Variants in ZNF383 observed in about 807,000 individuals in gnomAD.
The protein encoded by ZNF383 is zinc finger protein 383.
Under a neutral mutation model 44.2 loss-of-function variants are expected in ZNF383, and 32 were observed. That is an observed-to-expected ratio of 0.72 (90% CI 0.55 to 0.97). The LOEUF is 0.97. Ranked by LOEUF, ZNF383 falls within the 50% of genes least tolerant of loss-of-function variation. The pLI, the probability that ZNF383 is intolerant of heterozygous loss-of-function variation, is 0.00. For missense variants in ZNF383, 487 were observed against 562.5 expected (o/e 0.87, Z 1.36); for synonymous variants, 155 against 186.2 (o/e 0.83, Z 1.36).
At chr19:37,231,433 G>C (rs2145502588) in intron 3 of ZNF383, among the ~76,000 whole-genome samples, 1 of 152,238 alleles carries the variant, frequency 6.6e-6, no homozygotes, top group South Asian at 2.1e-4. Flanking sequence ...GCTGAGGCAG[G>C]AGAATCCTTG....
rs1041834417 is a variant in ZNF383, at chr19:37,230,407, A to G, written c.-45-2A>G. The stretch of plus-strand genomic sequence containing the variant: ...CAACCTCAGAACACTGTCCTTTTTC[A>G]GGAGAACGGCCTCAAGGAAGACTAA... On this transcript the variant is annotated splice_acceptor_variant, in intron 2 of 5. Transcript: ENST00000684119. LOFTEE classifies it low-confidence loss of function (5UTR_SPLICE). 4 of 1,609,736 alleles carry G rather than the reference A, an allele frequency of 2.5e-6. No individual in the cohort carries two copies. In the Admixed American group the frequency reaches 5.0e-5, roughly 20 times the overall value.
At chr19:37,224,388 C>T (rs1241047661) in intron 1 of ZNF383, among the ~76,000 whole-genome samples, 4 of 152,034 alleles carry the variant, frequency 2.6e-5, no homozygotes, top group Non-Finnish European at 5.9e-5. Context: ...GAAAATTAAA[C>T]CAACCACAGA....
At chr19:37,235,945 C>A in intron 4 of ZNF383, 34 bp from the exon 5 acceptor site, 1 of 1,568,246 alleles carries the variant, frequency 6.4e-7, no homozygotes, top group Non-Finnish European at 8.7e-7. Context: ...TTACCCCCAG[C>A]ATAACCATGT....
Position 37,223,295 on chromosome 19 carries a change from A to C in ZNF383, c.-167-1523A>C, listed in dbSNP as rs1335789992. Among the ~76,000 whole-genome samples the C allele has an allele frequency of 2.0e-5, 3 of 152,354 alleles. No individual in the cohort carries two copies. The East Asian group carries it at 5.8e-4, about 29-fold the overall frequency. On this transcript the variant is annotated intron_variant, in intron 1 of 5. Transcript: ENST00000684119. ...TATGAGACATTTATCCAAATTGATC[A>C]TATGCTGGGCCACAAAGGGAGTCTC...
Position 37,235,683 on chromosome 19 carries a change from C to A in ZNF383, c.136+8C>A. 1 of 1,596,486 alleles carries A rather than the reference C, an allele frequency of 6.3e-7. No individual in the cohort carries two copies. The highest frequency in any genetic ancestry group is 8.5e-7 in the Non-Finnish European group (1 of 1,172,006). On this transcript the variant is annotated splice_region_variant and intron_variant, in intron 4 of 5. Transcript: ENST00000684119. ...GCAATCTGGTTTCAATGGGTAAGGG[C>A]ATCTGTACCAGTGATTCCCAGTTCT...
At chr19:37,226,873 C>T (rs1035745056) in intron 2 of ZNF383, among the ~76,000 whole-genome samples, 1 of 152,078 alleles carries the variant, frequency 6.6e-6, no homozygotes, top group Non-Finnish European at 1.5e-5. Context: ...GGCTAGAATG[C>T]AGTGGTACGA....
At chr19:37,221,768 C>A (rs1972926866) in intron 1 of ZNF383, among the ~76,000 whole-genome samples, 2 of 146,422 alleles carry the variant, frequency 1.4e-5, no homozygotes, top group African/African-American at 5.1e-5. Flanking sequence ...TACGGTGAAA[C>A]CCCGTCTCTA....
chr19:37,230,520 ATGAGC>A, intron 3 of ZNF383, 58 bp downstream of exon 3: 1 of 1,572,120 alleles, frequency 6.4e-7, no homozygotes, highest in Non-Finnish European at 8.7e-7. Context: ...AAAAAAAGAC[ATGAGC>A]ATTTGCTTTC....
rs1425855628 is a variant in ZNF383, at chr19:37,248,478, T to G, written c.*4814T>G. ...TTCTGATAAATCAAACTTTCTACTTTCTGAAACTTGAAAATCAAATTGATT... is the reference window on the plus strand; with the variant it reads ...TTCTGATAAATCAAACTTTCTACTTGCTGAAACTTGAAAATCAAATTGATT... On this transcript the variant is annotated 3_prime_UTR_variant, in exon 6 of 6. Coordinates refer to ENST00000684119, the MANE Select transcript of ZNF383 (RefSeq NM_001387601.1). 3 of 152,186 alleles carry G rather than the reference T, an allele frequency of 2.0e-5. No individual in the cohort carries two copies. The highest frequency in any genetic ancestry group is 4.4e-5 in the Non-Finnish European group (3 of 68,032). 9.4% of individuals were successfully genotyped at this position (152,186 alleles called of 1,614,324 possible). A position where few individuals can be genotyped will look rare whatever the true frequency, so the allele number is the denominator to read the frequency against.
intron 2 of ZNF383, chr19:37,225,345 T>G (rs1473301447): frequency 6.6e-6 from 1 of 152,270 alleles, no homozygotes; most frequent in Non-Finnish European, 1.5e-5. Flanking sequence ...CCACCTGCCT[T>G]GGCCTCCCAA....
chr19:37,225,987 G>GA (rs1973148886), intron 2 of ZNF383, among the ~76,000 whole-genome samples: 2 of 147,782 alleles, frequency 1.4e-5, no homozygotes, highest in Admixed American at 6.8e-5. Context: ...TTTTAGTAGA[G>GA]ACGGGGTTTC....
intron 5 of ZNF383, among the ~76,000 whole-genome samples, chr19:37,241,153 T>A (rs1383843229): frequency 6.6e-6 from 1 of 152,156 alleles, no homozygotes; most frequent in African/African-American, 2.4e-5. Context: ...AAGACCTTAT[T>A]CTGTTTCCAC....
intron 3 of ZNF383, among the ~76,000 whole-genome samples, chr19:37,234,023 C>A (rs1220704938): frequency 6.6e-6 from 1 of 152,026 alleles, no homozygotes; most frequent in African/African-American, 2.4e-5. Context: ...TGTCACCACG[C>A]CCAGCTAATT....
intron 5 of ZNF383, among the ~76,000 whole-genome samples, chr19:37,237,375 G>GA (rs1000640417): frequency 6.6e-6 from 1 of 150,382 alleles, no homozygotes; most frequent in Non-Finnish European, 1.5e-5. Context: ...TTGGGGCCAA[G>GA]AAAAAAAAAG....
intron 2 of ZNF383, among the ~76,000 whole-genome samples, chr19:37,229,638 ATATATATATG>A (rs1266775784): frequency 4.1e-5 from 6 of 145,110 alleles, no homozygotes; most frequent in Non-Finnish European, 9.0e-5. Context: ...GTGTGTATAT[ATATATATATG>A]TATATATATG....
chr19:37,222,403 T>C (rs1972967045), intron 1 of ZNF383, among the ~76,000 whole-genome samples: 1 of 152,150 alleles, frequency 6.6e-6, no homozygotes, highest in African/African-American at 2.4e-5. Context: ...TTTGAGACAG[T>C]TTCGCTCTTG....
chr19:37,241,775 G>A (rs1437804925), intron 5 of ZNF383, among the ~76,000 whole-genome samples: 2 of 151,804 alleles, frequency 1.3e-5, no homozygotes, highest in Non-Finnish European at 2.9e-5. Context: ...AGCTCAGTGT[G>A]GGGCTTTATT....
Position 37,243,589 on chromosome 19 carries a change from C to G in ZNF383, c.1353C>G (p.Asn451Lys). The change falls in exon 6 of 6, where the codon AAC (asparagine) becomes AAG (lysine). Residue 451 changes from asparagine (N) to lysine (K), a missense_variant. Coordinates refer to ENST00000684119, the MANE Select transcript of ZNF383 (RefSeq NM_001387601.1). ...LRIHTGEKPYNCKECGKAFSS... is the reference protein window; with the variant it reads ...LRIHTGEKPYKCKECGKAFSS... ...TTCACACTGGTGAAAAGCCCTATAA[C>G]TGTAAGGAATGTGGGAAGGCTTTTA... 6.2e-7 allele frequency: 1 copy of G among 1,610,050 alleles called. No homozygotes were observed. The highest frequency in any genetic ancestry group is 2.2e-5 in the East Asian group (1 of 44,758).
In ZNF383 at chr19:37,235,628, TA is replaced by T. The variant is rs771794819; in HGVS notation, c.90del (p.Leu30PhefsTer5). On this transcript the variant is annotated frameshift_variant, in exon 4 of 6. Transcript: ENST00000684119. LOFTEE classifies it high-confidence loss of function. ...TGCCTGGACCCTGTTCAGAGGGACT[TA>T]TACAGAGATGTGATGTTGGAGAACT... ...WDCLDPVQRD[L>X]YRDVMLENYG... is the part of the protein sequence containing the mutation. The T allele has an allele frequency of 6.2e-7, 1 of 1,613,722 alleles. No homozygotes were observed.
Sources: allele counts gnomAD v4.1 joint callset (sites outside exome capture counted in the v4.1 genomes callset), GRCh38; gene constraint gnomAD v4.1.1; transcripts MANE v1.5; gene names NCBI Gene and HGNC (gene_info 2026-07-23, HGNC 2026-07-21).